The following PUM1 variants were observed in gnomAD, a reference collection of about 807,000 sequenced individuals.
PUM1 encodes the protein pumilio homolog 1.
PUM1 carries 13 observed loss-of-function variants against 131.8 expected under a neutral mutation model. The observed-to-expected ratio is 0.10, with a 90% CI of 0.06 to 0.16. The LOEUF is 0.16. PUM1 is among the 10% of genes least tolerant of loss of function. The pLI, the probability that PUM1 is intolerant of heterozygous loss-of-function variation, is 1.00. For missense variants in PUM1, 961 were observed against 1,512.4 expected, an observed-to-expected ratio of 0.64 and a Z score of 6.05; for synonymous variants, 509 against 556.5, an observed-to-expected ratio of 0.91 and a Z score of 1.20.
chr1:30,933,606 G>A (rs1280449979), intron 21 of PUM1, among the ~76,000 whole-genome samples: 1 of 152,200 alleles, frequency 6.6e-6, no homozygotes, highest in Non-Finnish European at 1.5e-5. Context: ...GAGGACCCTG[G>A]AGGCTGGGTG....
intron 7 of PUM1, among the ~76,000 whole-genome samples, chr1:30,983,511 T>C (rs1641432059): frequency 6.6e-6 from 1 of 152,226 alleles, no homozygotes; most frequent in East Asian, 1.9e-4. Context: ...AAAGACAGTA[T>C]GTTCAGAACA....
chr1:31,021,142 A>G (rs752912935), intron 3 of PUM1, among the ~76,000 whole-genome samples: 9 of 152,224 alleles, frequency 5.9e-5, no homozygotes, highest in Non-Finnish European at 1.2e-4. Flanking sequence ...ATGCCTTTAT[A>G]TATCGGATTC....
rs867343370 is a variant in PUM1, at chr1:31,038,984, A to T, written c.364-10120T>A. Among the ~76,000 whole-genome samples, 416 of 49,356 alleles carry T rather than the reference A, an allele frequency of 8.4e-3. 14 individuals are homozygous for T. Among genetic ancestry groups the T allele is most frequent in the African/African-American group, 0.032 (155 of 4,818 alleles). The allele number at this position is 49,356 out of a possible 152,430, so 32.4% of individuals were successfully genotyped here. ...TATATATATATATATATATATATAT[A>T]TTTTTTTTTTTTTTTTCCTTTTCTC... On this transcript the variant is annotated intron_variant, in intron 2 of 21. Coordinates refer to ENST00000426105, the MANE Select transcript of PUM1 (RefSeq NM_001020658.2).
chr1:31,011,940 C>G (rs1353848495), intron 3 of PUM1, among the ~76,000 whole-genome samples: 1 of 151,964 alleles, frequency 6.6e-6, no homozygotes, highest in East Asian at 1.9e-4. Flanking sequence ...CAAAAGAGAC[C>G]CAAGGAATCA....
chr1:31,023,117 T>G (rs911953485), intron 3 of PUM1, among the ~76,000 whole-genome samples: 1 of 150,884 alleles, frequency 6.6e-6, no homozygotes, highest in Admixed American at 6.6e-5. Context: ...GAGGTTGCAG[T>G]GAGCTGAGAT....
intron 8 of PUM1, among the ~76,000 whole-genome samples, chr1:30,980,887 A>C (rs922668433): frequency 1.3e-5 from 2 of 152,232 alleles, no homozygotes; most frequent in Non-Finnish European, 2.9e-5. Context: ...TAATTATATG[A>C]GAATACTTTT....
intron 17 of PUM1, 136 bp downstream of exon 17, chr1:30,949,991 C>T: frequency 1.1e-6 from 1 of 934,936 alleles, no homozygotes. Context: ...TCATGCTTGC[C>T]ATGCACAAAA....
intron 2 of PUM1, among the ~76,000 whole-genome samples, chr1:31,038,980 A>ATTTTT (rs1371242054): frequency 3.4e-5 from 1 of 29,602 alleles, no homozygotes; most frequent in Admixed American, 3.6e-4. Context: ...ATATATATAT[A>ATTTTT]TATATTTTTT....
At chr1:30,996,508 T>C (rs763951354) in intron 5 of PUM1, among the ~76,000 whole-genome samples, 7 of 152,190 alleles carry the variant, frequency 4.6e-5, no homozygotes. Context: ...TTAGAGCCCA[T>C]TTTACTTCTA....
At chr1:30,976,501 T>C (rs565174372) in intron 9 of PUM1, among the ~76,000 whole-genome samples, 1 of 152,382 alleles carries the variant, frequency 6.6e-6, no homozygotes, top group East Asian at 1.9e-4. Flanking sequence ...GAGAAACACA[T>C]AATTCATTAA....
intron 21 of PUM1, among the ~76,000 whole-genome samples, chr1:30,936,327 A>G (rs1639208850): frequency 6.6e-6 from 1 of 152,040 alleles, no homozygotes; most frequent in Admixed American, 6.5e-5. Context: ...GAAAGAACAG[A>G]AGGGAGGAGT....
In PUM1 at chr1:30,933,327, C is replaced by A. The variant is rs775332250; in HGVS notation, c.3451G>T (p.Ala1151Ser). ...IVMHKIRPHI[A>S]TLRKYTYGKH... ...CCATAGGTGTACTTACGAAGAGTTG[C>A]GATGTGGGGCCGGATCTGGGGAGGA... The change falls in exon 22 of 22, where the codon GCA becomes TCA. Residue 1151 changes from alanine to serine, a missense_variant. Ala to Ser is a moderately conservative substitution (Grantham distance 99). This residue lies in a region of PUM1 where 178 missense variants were observed against 327.5 expected (regional missense o/e 0.54). Coordinates refer to ENST00000426105, the MANE Select transcript of PUM1 (RefSeq NM_001020658.2). 21 of 1,613,580 alleles carry A rather than the reference C, an allele frequency of 1.3e-5. No individual in the cohort carries two copies. The highest frequency in any genetic ancestry group is 1.6e-5 in the Non-Finnish European group (19 of 1,179,804).
chr1:30,973,805 T>TTA (rs1369344243), intron 10 of PUM1, among the ~76,000 whole-genome samples: 1 of 152,132 alleles, frequency 6.6e-6, no homozygotes, highest in Non-Finnish European at 1.5e-5. Context: ...AAAGAGGTGT[T>TTA]ATTGGCCAGG....
chr1:30,966,287 A>G lies in PUM1; in HGVS notation c.1790-9T>C, dbSNP rs763212250. Reference sequence around the variant, plus strand: ...TGCGGCTGCTGCAACAGCTATGAAGAAGAAAGCAAACCGTTTGGCTATGAA... The same window carrying G: ...TGCGGCTGCTGCAACAGCTATGAAGGAGAAAGCAAACCGTTTGGCTATGAA... On this transcript the variant is annotated splice_polypyrimidine_tract_variant and intron_variant, in intron 12 of 21. Transcript: ENST00000426105. 9 of 1,571,854 alleles carry G rather than the reference A, an allele frequency of 5.7e-6. No individual in the cohort carries two copies. In the South Asian group the frequency reaches 1.1e-4, roughly 18 times the overall value.
chr1:31,023,958 T>A (rs977211918), intron 3 of PUM1, among the ~76,000 whole-genome samples: 1 of 149,216 alleles, frequency 6.7e-6, no homozygotes, highest in African/African-American at 2.5e-5. Flanking sequence ...AATGAAAAGT[T>A]ACAAAATCTC....
At position 30,951,801 on chromosome 1, in the gene PUM1, T is replaced by C. The variant is rs1454810533; in HGVS notation, c.2721+433A>G. On this transcript the variant is annotated intron_variant, in intron 16 of 21. Coordinates refer to ENST00000426105, the MANE Select transcript of PUM1 (RefSeq NM_001020658.2). ...CAGCATTTAACAATTCTTGTGACCC[T>C]AGCTGATAATGAAACATACTGGAGT... 2.0e-5 allele frequency among the ~76,000 whole-genome samples: 3 copies of C among 152,246 alleles called. No individual in the cohort carries two copies. The East Asian group carries it at 5.8e-4, about 29-fold the overall frequency.
Position 31,018,593 on chromosome 1 carries a change from G to A in PUM1, c.432+10203C>T, listed in dbSNP as rs541292338. ...GAATTGCTTGAACCTAGGAGGCGGA[G>A]GTTGCAGTGAGCCAAGATCATGGCA... On this transcript the variant is annotated intron_variant, in intron 3 of 21. Coordinates refer to ENST00000426105, the MANE Select transcript of PUM1 (RefSeq NM_001020658.2). Among the ~76,000 whole-genome samples, 112 of 152,322 alleles carry A rather than the reference G, an allele frequency of 7.4e-4. No homozygotes were observed. In the South Asian group the frequency reaches 0.023, roughly 31 times the overall value.
chr1:30,947,778 T>C (rs909241565), intron 17 of PUM1, among the ~76,000 whole-genome samples: 1 of 152,018 alleles, frequency 6.6e-6, no homozygotes, highest in African/African-American at 2.4e-5. Flanking sequence ...GCAACTAAGA[T>C]ATCATCTAAT....
chr1:30,951,686 T>C (rs1199747779), intron 16 of PUM1, among the ~76,000 whole-genome samples: 1 of 152,186 alleles, frequency 6.6e-6, no homozygotes, highest in Non-Finnish European at 1.5e-5. Context: ...ACAATCTCAT[T>C]CTTTCCAAAG....
Sources: gnomAD v4.1 joint callset for allele counts (sites outside exome capture counted in the v4.1 genomes callset) on GRCh38, gnomAD v4.1.1 for gene constraint, gnomAD v4.1.1 regional missense constraint, MANE v1.5 for transcripts, NCBI Gene and HGNC (gene_info 2026-07-23, HGNC 2026-07-21) for gene names.